Variants in PRR5L observed in about 807,000 individuals in gnomAD.
PRR5L encodes the protein proline rich 5 like.
In PRR5L, 21 loss-of-function variants were observed where a neutral mutation model predicts 36.4. That is an observed-to-expected ratio of 0.58 (90% CI 0.41 to 0.83). PRR5L has a LOEUF of 0.83. PRR5L is among the 40% of genes least tolerant of loss of function. The probability of loss-of-function intolerance (pLI) is 0.00; values close to 1 mark genes in which losing one functional copy is unlikely to be tolerated. For missense variants in PRR5L, 381 were observed against 473.3 expected (o/e 0.80, Z 1.81); for synonymous variants, 188 against 197.0 (o/e 0.95, Z 0.38).
chr11:36,394,463 A>G (rs994878750), intron 1 of PRR5L: 1 of 152,254 alleles, frequency 6.6e-6, no homozygotes, highest in Non-Finnish European at 1.5e-5. Context: ...TGTGGCTGCT[A>G]TAACAAATGA....
At chr11:36,461,822 G>A (rs1859188469) in intron 8 of PRR5L, among the ~76,000 whole-genome samples, 2 of 152,126 alleles carry the variant, frequency 1.3e-5, no homozygotes, top group Admixed American at 6.5e-5. Context: ...TCGTGGTTCT[G>A]TATGATTTGC....
intron 1 of PRR5L, among the ~76,000 whole-genome samples, chr11:36,374,918 A>T (rs1021488378): frequency 1.3e-5 from 2 of 152,062 alleles, no homozygotes; most frequent in African/African-American, 2.4e-5. Context: ...AGCCTCTTTT[A>T]AGTCTCCTCC....
At chr11:36,457,783 A>T (rs1420793225) in intron 8 of PRR5L, among the ~76,000 whole-genome samples, 4 of 152,114 alleles carry the variant, frequency 2.6e-5, no homozygotes, top group Non-Finnish European at 5.9e-5. Context: ...CTCCCTAAAC[A>T]GGTCTCGTCC....
At chr11:36,314,552 G>T (rs1856536196) in intron 1 of PRR5L, among the ~76,000 whole-genome samples, 1 of 152,096 alleles carries the variant, frequency 6.6e-6, no homozygotes, top group Non-Finnish European at 1.5e-5. Context: ...ATGTTTTAAG[G>T]GTTCCCCTTG....
rs146119479 is a variant in PRR5L, at chr11:36,316,693, A to G, written c.-126+20255A>G. ...TCAAGCACTGATCTTAGGTTTTACA[A>G]TAGTGATGTTATCCCTAGGAGCAAT... On this transcript the variant is annotated intron_variant, in intron 1 of 8. Transcript: ENST00000530639. Among the ~76,000 whole-genome samples, 139 of 152,300 alleles carry G rather than the reference A, an allele frequency of 9.1e-4. 1 individual carries two copies. In the East Asian group the frequency reaches 0.013, roughly 15 times the overall value.
At chr11:36,434,415 A>G (rs1335934829) in intron 5 of PRR5L, among the ~76,000 whole-genome samples, 3 of 152,244 alleles carry the variant, frequency 2.0e-5, no homozygotes, top group Non-Finnish European at 2.9e-5. Context: ...GTCACTGAAC[A>G]AACTCCTCTT....
At chr11:36,322,519 T>G (rs1422638522) in intron 1 of PRR5L, among the ~76,000 whole-genome samples, 2 of 152,220 alleles carry the variant, frequency 1.3e-5, no homozygotes, top group African/African-American at 4.8e-5. Flanking sequence ...TGGGGAATTC[T>G]TTCTCTAGTC....
chr11:36,305,067 C>T (rs1473172587), intron 1 of PRR5L, among the ~76,000 whole-genome samples: 2 of 152,110 alleles, frequency 1.3e-5, no homozygotes, highest in South Asian at 4.1e-4. Context: ...CACAAAAATT[C>T]GTTTAGAAAT....
chr11:36,453,617 C>T (rs998882502), intron 8 of PRR5L, among the ~76,000 whole-genome samples: 1 of 152,090 alleles, frequency 6.6e-6, no homozygotes, highest in South Asian at 2.1e-4. Flanking sequence ...CTGGGAGGTG[C>T]TATAGCTATA....
At chr11:36,422,838 T>C (rs1245274905) in intron 4 of PRR5L, among the ~76,000 whole-genome samples, 6 of 152,154 alleles carry the variant, frequency 3.9e-5, no homozygotes, top group African/African-American at 1.4e-4. Flanking sequence ...TGTTTTGAAT[T>C]GTGTCCGGAA....
chr11:36,434,226 G>A (rs1858559955), intron 5 of PRR5L, among the ~76,000 whole-genome samples: 1 of 152,302 alleles, frequency 6.6e-6, no homozygotes, highest in South Asian at 2.1e-4. Context: ...TTAGAGTTCT[G>A]GGTGTTGGGG....
intron 3 of PRR5L, among the ~76,000 whole-genome samples, chr11:36,406,634 A>G (rs1415976993): frequency 6.6e-6 from 1 of 152,184 alleles, no homozygotes; most frequent in Non-Finnish European, 1.5e-5. Context: ...ATTCAAGTAG[A>G]CACTTGGGTT....
intron 1 of PRR5L, among the ~76,000 whole-genome samples, chr11:36,390,047 A>G (rs1057267985): frequency 1.3e-5 from 2 of 152,216 alleles, no homozygotes; most frequent in Non-Finnish European, 2.9e-5. Context: ...ACCTGAGAAC[A>G]TGACAGACAG....
intron 1 of PRR5L, among the ~76,000 whole-genome samples, chr11:36,349,064 C>A (rs757247099): frequency 6.6e-6 from 1 of 152,024 alleles, no homozygotes; most frequent in Non-Finnish European, 1.5e-5. Context: ...GTGAGCGAAT[C>A]ACTTGAGGCC....
chr11:36,434,298 A>G (rs1564948194), intron 5 of PRR5L, among the ~76,000 whole-genome samples: 1 of 152,220 alleles, frequency 6.6e-6, no homozygotes, highest in Admixed American at 6.5e-5. Flanking sequence ...ATCTTCAACC[A>G]GGCATCTCTA....
At chr11:36,351,308 TTA>T in intron 1 of PRR5L, among the ~76,000 whole-genome samples, 3 of 71,874 alleles carry the variant, frequency 4.2e-5, no homozygotes, top group African/African-American at 5.2e-5. Context: ...ATATATATAT[TTA>T]TATATATTTA....
intron 3 of PRR5L, among the ~76,000 whole-genome samples, chr11:36,410,780 T>G (rs1858008745): frequency 6.6e-6 from 1 of 152,184 alleles, no homozygotes; most frequent in Non-Finnish European, 1.5e-5. Context: ...GGCCTTTCTA[T>G]CTGTTCCTGC....
chr11:36,311,024 C>G (rs1378896690), intron 1 of PRR5L, among the ~76,000 whole-genome samples: 1 of 144,028 alleles, frequency 6.9e-6, no homozygotes, highest in Non-Finnish European at 1.5e-5. Context: ...AAAGAATGTT[C>G]CCAGGAATAT....
intron 1 of PRR5L, among the ~76,000 whole-genome samples, chr11:36,365,344 A>C (rs1355581345): frequency 1.3e-5 from 2 of 152,138 alleles, no homozygotes; most frequent in Non-Finnish European, 2.9e-5. Flanking sequence ...GAGTAGACTC[A>C]ATTAAGATCT....
Sources: allele counts gnomAD v4.1 joint callset (sites outside exome capture counted in the v4.1 genomes callset), GRCh38; gene constraint gnomAD v4.1.1; transcripts MANE v1.5; gene names NCBI Gene and HGNC (gene_info 2026-07-23, HGNC 2026-07-21).